Variants in KBTBD4 observed in about 807,000 individuals in gnomAD.
KBTBD4 encodes kelch repeat and BTB domain containing 4.
KBTBD4 carries 30 observed loss-of-function variants against 43.9 expected under a neutral mutation model. The observed-to-expected ratio is 0.68, with a 90% CI of 0.51 to 0.93. The LOEUF is 0.93. Among genes scored for constraint, KBTBD4 ranks in the 40% least tolerant of loss-of-function variants. The pLI, the probability that KBTBD4 is intolerant of heterozygous loss-of-function variation, is 0.00. For synonymous variants in KBTBD4, 258 were observed against 256.9 expected, an observed-to-expected ratio of 1.00 and a Z score of -0.04; for missense variants, 575 against 668.8, an observed-to-expected ratio of 0.86 and a Z score of 1.55.
intron 1 of KBTBD4, 160 bp downstream of exon 1, chr11:47,578,773 G>A (rs2097265321): frequency 3.3e-6 from 5 of 1,516,724 alleles, no homozygotes; most frequent in Admixed American, 4.1e-5. Context: ...TCAGAGAGCG[G>A]GGGAGGGGTG....
At chr11:47,577,377 A>C (rs1444015876) in intron 2 of KBTBD4, 34 bp downstream of exon 2, 1 of 1,549,944 alleles carries the variant, frequency 6.5e-7, no homozygotes, top group Non-Finnish European at 8.7e-7. Context: ...ATAGCCAAGT[A>C]ACTGGGTATG....
In KBTBD4 at chr11:47,577,636, A is replaced by C. The variant is rs1340123737; in HGVS notation, c.412T>G (p.Ser138Ala). The C allele has an allele frequency of 2.5e-6, 4 of 1,614,180 alleles. No individual in the cohort carries two copies. Residue 138 changes from serine to alanine, a missense_variant, in exon 2 of 4, where the codon TCA (serine) becomes GCA (alanine). By Grantham distance (99) the Ser-to-Ala change is moderately conservative. Coordinates refer to ENST00000430070, the MANE Select transcript of KBTBD4 (RefSeq NM_018095.6). Reference protein sequence around the residue: ...AEELQEIYEVSDMYQLTSLFE... With the variant: ...AEELQEIYEVADMYQLTSLFE... ...AGAGATGTCAGCTGATACATGTCTGACACCTCATAAATTTCCTGCAACTCC... is the reference window on the plus strand; with the variant it reads ...AGAGATGTCAGCTGATACATGTCTGCCACCTCATAAATTTCCTGCAACTCC...
In KBTBD4 at chr11:47,573,507, G is replaced by A. The variant is rs2097253587; in HGVS notation, c.1028C>T (p.Pro343Leu). The change falls in exon 4 of 4, where the codon CCC (proline) becomes CTC (leucine). Residue 343 changes from proline to leucine, a missense_variant. Pro to Leu is a moderately conservative substitution (Grantham distance 98). Coordinates refer to ENST00000430070, the MANE Select transcript of KBTBD4 (RefSeq NM_018095.6). The surrounding 1 kb of genome is among the most constrained non-coding windows in gnomAD (Gnocchi z 4.1). The part of the protein sequence containing the change: ...DRLQHTLVSV[P>L]GKDAIYSLGG... Reference sequence around the variant, plus strand: ...CAGTGAATATATGGCATCTTTCCCGGGCACAGACACCAGGGTGTGCTGGAG... The same window carrying A: ...CAGTGAATATATGGCATCTTTCCCGAGCACAGACACCAGGGTGTGCTGGAG... 1 of 1,614,136 alleles carries A rather than the reference G, an allele frequency of 6.2e-7. No homozygotes were observed. Among genetic ancestry groups the A allele is most frequent in the East Asian group, 2.2e-5 (1 of 44,886 alleles).
At chr11:47,575,479 C>T in intron 3 of KBTBD4, 114 bp downstream of exon 3, 1 of 680,196 alleles carries the variant, frequency 1.5e-6, no homozygotes. Context: ...TGCACTCCAG[C>T]CTGGACGACA....
At chr11:47,575,149 G>A (rs1486892588) in intron 3 of KBTBD4, among the ~76,000 whole-genome samples, 1 of 150,844 alleles carries the variant, frequency 6.6e-6, no homozygotes, top group Non-Finnish European at 1.5e-5. Context: ...AGTGGAGGTT[G>A]CAGCGAGCTG....
Position 47,572,962 on chromosome 11 carries a change from G to C in KBTBD4, c.1573C>G (p.Leu525Val). The C allele has an allele frequency of 6.2e-7, 1 of 1,614,168 alleles. No homozygotes were observed. The highest frequency in any genetic ancestry group is 8.5e-7 in the Non-Finnish European group (1 of 1,180,006). Residue 525 changes from leucine to valine, a missense_variant, in exon 4 of 4, where the codon CTG becomes GTG. Leu to Val is a conservative substitution (Grantham distance 32). Transcript: ENST00000430070. ...AVTVTRGIKV[L>V]LTNLQFVLA ...AACACAAACTGCAAATTGGTAAGCA[G>C]CACCTTAATACCTCTTGTGACAGTT...
chr11:47,576,158 CTTTTTTTTTTT>C (rs11345162), intron 2 of KBTBD4, among the ~76,000 whole-genome samples: 3 of 49,094 alleles, frequency 6.1e-5, no homozygotes, highest in African/African-American at 1.1e-4. Flanking sequence ...GCGGGTCTTG[CTTTTTTTTTTT>C]TTTTTTTTTT....
rs371860105 is a variant in KBTBD4, at chr11:47,577,751, G to A, written c.297C>T (p.Asn99=). 3.1e-6 allele frequency: 5 copies of A among 1,614,152 alleles called. No individual in the cohort carries two copies. The highest frequency in any genetic ancestry group is 3.4e-6 in the Non-Finnish European group (4 of 1,180,022). The part of the protein sequence containing the change: ...MFTSNLKEAH[N]RVIVLQDVSE... ...TGACATCCTGCAGCACAATCACCCG[G>A]TTGTGGGCCTCCTTCAGGTTGGAAG... Residue 99 remains asparagine, a synonymous_variant, in exon 2 of 4, where the codon AAC becomes AAT. Transcript: ENST00000430070.
Position 47,573,545 on chromosome 11 carries a change from C to A in KBTBD4, c.990G>T (p.Leu330Phe). Residue 330 changes from leucine (L) to phenylalanine (F), a missense_variant, in exon 4 of 4, where the codon TTG (leucine) becomes TTT (phenylalanine). By Grantham distance (22) the Leu-to-Phe change is conservative (BLOSUM62 0). Transcript: ENST00000430070. This position sits in a 1 kb window ranked among gnomAD's most constrained non-coding sequence, Gnocchi z 4.1. ...ATVDWEWCAP[L>F]PRDRLQHTLV... ...GGGTGTGCTGGAGCCGGTCCCGAGGCAAAGGAGCACACCACTCCCAGTCAA... is the reference window on the plus strand; with the variant it reads ...GGGTGTGCTGGAGCCGGTCCCGAGGAAAAGGAGCACACCACTCCCAGTCAA... The A allele has an allele frequency of 6.2e-7, 1 of 1,614,196 alleles. No homozygotes were observed. The highest frequency in any genetic ancestry group is 8.5e-7 in the Non-Finnish European group (1 of 1,180,036).
intron 1 of KBTBD4, 122 bp downstream of exon 1, chr11:47,578,811 C>A (rs1598801462): frequency 9.8e-6 from 15 of 1,535,128 alleles, no homozygotes. Flanking sequence ...AACGCCCGCC[C>A]CCTCCCCTCC....
chr11:47,575,152 G>C (rs1216573868), intron 3 of KBTBD4, among the ~76,000 whole-genome samples: 1 of 150,638 alleles, frequency 6.6e-6, no homozygotes, highest in African/African-American at 2.4e-5. Flanking sequence ...GGAGGTTGCA[G>C]CGAGCTGAGA....
At position 47,573,275 on chromosome 11, in the gene KBTBD4, G is replaced by A; in HGVS notation, c.1260C>T (p.Asp420=). The A allele has an allele frequency of 6.2e-7, 1 of 1,614,128 alleles. No individual in the cohort carries two copies. The highest frequency in any genetic ancestry group is 8.5e-7 in the Non-Finnish European group (1 of 1,180,018). ...TKPSRLIQCF[D]TETDKCHVKP... Reference sequence around the variant, plus strand: ...TCACATGGCATTTGTCTGTCTCTGTGTCAAAGCACTGGATGAGTCGGGAAG... The same window carrying A: ...TCACATGGCATTTGTCTGTCTCTGTATCAAAGCACTGGATGAGTCGGGAAG... Residue 420 remains aspartate (D), a synonymous_variant, in exon 4 of 4, where the codon GAC becomes GAT. Transcript: ENST00000430070. This position sits in a 1 kb window ranked among gnomAD's most constrained non-coding sequence, Gnocchi z 4.1.
rs376568504 is a variant in KBTBD4 at position 47,577,370 on chromosome 11, G to A, written c.637+41C>T. 16 of 1,538,886 alleles carry A rather than the reference G, an allele frequency of 1.0e-5. No homozygotes were observed. The African/African-American group carries it at 1.4e-4, about 13-fold the overall frequency. On this transcript the variant is annotated intron_variant, in intron 2 of 3. Coordinates refer to ENST00000430070, the MANE Select transcript of KBTBD4 (RefSeq NM_018095.6). ...ACTAGAACATTCACTGAACATCATAGCCAAGTAACTGGGTATGGTGTGTCC... is the reference window on the plus strand; with the variant it reads ...ACTAGAACATTCACTGAACATCATAACCAAGTAACTGGGTATGGTGTGTCC...
Sources: gnomAD v4.1 joint callset for allele counts (sites outside exome capture counted in the v4.1 genomes callset) on GRCh38, gnomAD v4.1.1 for gene constraint, Gnocchi (gnomAD v3.1) non-coding constraint, MANE v1.5 for transcripts, NCBI Gene and HGNC (gene_info 2026-07-23, HGNC 2026-07-21) for gene names.